BNIP2: variants seen among roughly 807,000 people sequenced by gnomAD.
BNIP2 encodes BCL2/adenovirus E1B 19 kDa protein-interacting protein 2.
Under a neutral mutation model 43.4 loss-of-function variants are expected in BNIP2, and 36 were observed. That is an observed-to-expected ratio of 0.83 (90% CI 0.64 to 1.10). The LOEUF (loss-of-function observed/expected upper bound fraction) is 1.10. Among genes scored for constraint, BNIP2 ranks in the 50% least tolerant of loss-of-function variants. BNIP2 has a pLI of 0.00. For synonymous variants in BNIP2, 146 were observed against 121.0 expected (o/e 1.21, Z -1.35); for missense variants, 417 against 374.1 (o/e 1.11, Z -0.95).
In BNIP2 at chr15:59,660,391, G is replaced by A. The variant is rs987495490; in HGVS notation, c.*3678C>T. The stretch of plus-strand genomic sequence containing the variant: ...CTCCTACTCCCATTTGCTTGAGCAA[G>A]TTTAACACTTCTCCACATATAACAT... On this transcript the variant is annotated 3_prime_UTR_variant, in exon 10 of 10. Coordinates refer to ENST00000607373, the MANE Select transcript of BNIP2 (RefSeq NM_004330.4). 5 of 152,164 alleles carry A rather than the reference G, an allele frequency of 3.3e-5. No individual in the cohort carries two copies. Among genetic ancestry groups the A allele is most frequent in the Non-Finnish European group, 7.3e-5 (5 of 68,028 alleles). The allele number at this position is 152,164 out of a possible 1,614,324, so 9.4% of individuals were successfully genotyped here. A position where few individuals can be genotyped will look rare whatever the true frequency, so the allele number is the denominator to read the frequency against.
Position 59,663,846 on chromosome 15 carries a change from C to T in BNIP2, c.*223G>A, listed in dbSNP as rs1219581248. 14 of 361,278 alleles carry T rather than the reference C, an allele frequency of 3.9e-5. No homozygotes were observed. Among genetic ancestry groups the T allele is most frequent in the South Asian group, 1.3e-4 (1 of 7,760 alleles). 22.4% of individuals were successfully genotyped at this position (361,278 alleles called of 1,614,324 possible). On this transcript the variant is annotated 3_prime_UTR_variant, in exon 10 of 10. Coordinates refer to ENST00000607373, the MANE Select transcript of BNIP2 (RefSeq NM_004330.4). ...CTATTTAGCAATATAAAATATAAAA[C>T]GATAATAATACAGTTAGCTATTAAA... is the stretch of plus-strand genomic sequence containing the variant.
At chr15:59,680,169 G>A in intron 3 of BNIP2, 72 bp downstream of exon 3, 3 of 947,854 alleles carry the variant, frequency 3.2e-6, no homozygotes, top group Non-Finnish European at 4.2e-6. Flanking sequence ...TTTTTTTTTT[G>A]GACAAAGAAA....
chr15:59,674,932 T>TGG (rs1893173614), intron 5 of BNIP2, among the ~76,000 whole-genome samples: 4 of 152,142 alleles, frequency 2.6e-5, no homozygotes, highest in Non-Finnish European at 5.9e-5. Flanking sequence ...TGTATAGAAG[T>TGG]GTGGAGTGAA....
chr15:59,683,498 G>T lies in BNIP2; in HGVS notation c.-57-984C>A, dbSNP rs1209090941. Among the ~76,000 whole-genome samples the T allele has an allele frequency of 2.0e-5, 3 of 152,104 alleles. No individual in the cohort carries two copies. In the East Asian group the frequency reaches 5.8e-4, roughly 29 times the overall value. ...ATTTAAGAGATACGGAGCATCACTAGCAGTACTAAAAATAAAGTTAAAAGT... is the reference window on the plus strand; with the variant it reads ...ATTTAAGAGATACGGAGCATCACTATCAGTACTAAAAATAAAGTTAAAAGT... On this transcript the variant is annotated intron_variant, in intron 1 of 9. Transcript: ENST00000607373.
intron 5 of BNIP2, among the ~76,000 whole-genome samples, chr15:59,675,904 G>A (rs1225378905): frequency 6.6e-6 from 1 of 152,208 alleles, no homozygotes; most frequent in African/African-American, 2.4e-5. Flanking sequence ...AATTCTAGAA[G>A]AGGCAAAACT....
chr15:59,669,358 G>T lies in BNIP2; in HGVS notation c.712C>A (p.Arg238=). The change falls in exon 8 of 10, where the codon CGG becomes AGG. Residue 238 remains arginine, a synonymous_variant. Transcript: ENST00000607373. The stretch of plus-strand genomic sequence containing the variant: ...ATGATTAGGGATTTTAGATTTTTCC[G>T]TAACCTGGAGTTTAAAAAAAAAACA... ...KCYQQIDRRL[R]KNLKSLIIVH... is the part of the protein sequence containing the mutation. 6.7e-7 allele frequency: 1 copy of T among 1,500,402 alleles called. No individual in the cohort carries two copies. The highest frequency in any genetic ancestry group is 8.9e-7 in the Non-Finnish European group (1 of 1,125,752). 92.9% of individuals were successfully genotyped at this position (1,500,402 alleles called of 1,614,324 possible). A position where few individuals can be genotyped will look rare whatever the true frequency, so the allele number is the denominator to read the frequency against.
At chr15:59,682,888 C>G (rs1378791206) in intron 1 of BNIP2, among the ~76,000 whole-genome samples, 11 of 152,048 alleles carry the variant, frequency 7.2e-5, no homozygotes, top group African/African-American at 2.7e-4. Context: ...AATTTTCTGT[C>G]CCTTGGATAG....
At chr15:59,668,655 C>T (rs1217697324) in intron 9 of BNIP2, 1 of 429,046 alleles carries the variant, frequency 2.3e-6, no homozygotes, top group African/African-American at 2.0e-5. Flanking sequence ...ACATGAATCA[C>T]AACCGGAAAT....
At chr15:59,669,925 G>GAT (rs745970815) in intron 7 of BNIP2, among the ~76,000 whole-genome samples, 2 of 152,180 alleles carry the variant, frequency 1.3e-5, no homozygotes, top group African/African-American at 2.4e-5. Context: ...CATAAAGTGA[G>GAT]ATACATATAT....
At chr15:59,687,222 T>C (rs1402094887) in intron 1 of BNIP2, among the ~76,000 whole-genome samples, 1 of 152,172 alleles carries the variant, frequency 6.6e-6, no homozygotes, top group African/African-American at 2.4e-5. Context: ...TCTCAGTTTG[T>C]TGTAGTTAGA....
At position 59,659,790 on chromosome 15, in the gene BNIP2, GGTGCTTAC is replaced by G. The variant is rs1402212486; in HGVS notation, c.*4271_*4278del. The G allele has an allele frequency of 6.6e-6, 1 of 152,076 alleles. No homozygotes were observed. Among genetic ancestry groups the G allele is most frequent in the Non-Finnish European group, 1.5e-5 (1 of 68,002 alleles). The allele number at this position is 152,076 out of a possible 1,614,324, so 9.4% of individuals were successfully genotyped here. On this transcript the variant is annotated 3_prime_UTR_variant, in exon 10 of 10. Transcript: ENST00000607373. ...TGAAAGCACGAAATGATTTTCATTT[GGTGCTTAC>G]GTGCTTTATGTGAATTTTTCATAGC...
chr15:59,670,358 G>C (rs1892822430), intron 7 of BNIP2, among the ~76,000 whole-genome samples: 1 of 152,194 alleles, frequency 6.6e-6, no homozygotes, highest in Non-Finnish European at 1.5e-5. Flanking sequence ...CTGAGCTTGG[G>C]AGGTTGCCGC....
chr15:59,674,332 G>T (rs1225000750), intron 5 of BNIP2, among the ~76,000 whole-genome samples: 3 of 152,030 alleles, frequency 2.0e-5, no homozygotes, highest in Non-Finnish European at 4.4e-5. Context: ...TAATCACTCA[G>T]TCACAAAATA....
intron 5 of BNIP2, among the ~76,000 whole-genome samples, chr15:59,673,067 A>G (rs756374325): frequency 6.6e-6 from 1 of 152,118 alleles, no homozygotes; most frequent in African/African-American, 2.4e-5. Flanking sequence ...GACACAATAC[A>G]ATAACTGCAA....
In BNIP2 at chr15:59,663,251, G is replaced by C. The variant is rs1379374214; in HGVS notation, c.*818C>G. The C allele has an allele frequency of 6.6e-6, 1 of 152,460 alleles. No individual in the cohort carries two copies. Among genetic ancestry groups the C allele is most frequent in the Non-Finnish European group, 1.5e-5 (1 of 68,040 alleles). The allele number at this position is 152,460 out of a possible 1,614,324, so 9.4% of individuals were successfully genotyped here. A position where few individuals can be genotyped will look rare whatever the true frequency, so the allele number is the denominator to read the frequency against. On this transcript the variant is annotated 3_prime_UTR_variant, in exon 10 of 10. Coordinates refer to ENST00000607373, the MANE Select transcript of BNIP2 (RefSeq NM_004330.4). ...TGGACACATAGCTTATTTCACATTA[G>C]TGAACAAACTCAAGATTTTTATAAA...
intron 1 of BNIP2, among the ~76,000 whole-genome samples, chr15:59,686,942 G>A (rs1173137965): frequency 6.6e-6 from 1 of 152,182 alleles, no homozygotes; most frequent in Non-Finnish European, 1.5e-5. Flanking sequence ...GCTTGAACCT[G>A]GGAGGCAGAG....
intron 5 of BNIP2, among the ~76,000 whole-genome samples, chr15:59,673,741 A>C (rs866451452): frequency 6.6e-6 from 1 of 152,174 alleles, no homozygotes; most frequent in Non-Finnish European, 1.5e-5. Context: ...GGTGATTTTT[A>C]AAAGGTAAGT....
intron 1 of BNIP2, among the ~76,000 whole-genome samples, chr15:59,688,041 C>A (rs1486620343): frequency 1.3e-5 from 2 of 152,192 alleles, no homozygotes; most frequent in Non-Finnish European, 2.9e-5. Context: ...CATAATAGCA[C>A]TGACTTATGA....
At chr15:59,678,634 C>T in intron 4 of BNIP2, 3 of 1,155,652 alleles carry the variant, frequency 2.6e-6, no homozygotes, top group Non-Finnish European at 3.3e-6. Flanking sequence ...TTTAAATTAG[C>T]ATTAGCCAAA....
Sources: gnomAD v4.1 joint callset for allele counts (sites outside exome capture counted in the v4.1 genomes callset) on GRCh38, gnomAD v4.1.1 for gene constraint, MANE v1.5 for transcripts, NCBI Gene and HGNC (gene_info 2026-07-23, HGNC 2026-07-21) for gene names.